AGAP1: variants seen among roughly 807,000 people sequenced by gnomAD.
The protein encoded by AGAP1 is arf-GAP with GTPase, ANK repeat and PH domain-containing protein 1.
In AGAP1, 29 loss-of-function variants were observed where a neutral mutation model predicts 105.3. The ratio of observed to expected loss-of-function variants is 0.28; its 90% confidence interval spans 0.21 to 0.38. The LOEUF (loss-of-function observed/expected upper bound fraction) is 0.38, where lower values mean the gene tolerates loss of function less well. AGAP1 is among the 10% of genes least tolerant of loss of function. The pLI is 1.00. For synonymous variants in AGAP1, 509 were observed against 485.9 expected (o/e 1.05, Z -0.63); for missense variants, 998 against 1,165.1 (o/e 0.86, Z 2.09).
At position 235,963,427 on chromosome 2, in the gene AGAP1, GTATT is replaced by G. The variant is rs1478924652; in HGVS notation, c.1484-5033_1484-5030del. On this transcript the variant is annotated intron_variant, in intron 12 of 17. Transcript: ENST00000304032. The surrounding 1 kb of genome is among the most constrained non-coding windows in gnomAD (Gnocchi z 5.1). ...TGTGCACATAGAAAAGGAAACAGAT[GTATT>G]TGAACAGAGGTAGTTTATTAAAGAG... 1.3e-5 allele frequency among the ~76,000 whole-genome samples: 2 copies of G among 152,184 alleles called. No homozygotes were observed. The highest frequency in any genetic ancestry group is 2.9e-5 in the Non-Finnish European group (2 of 68,030).
chr2:236,109,193 A>G lies in AGAP1; in HGVS notation c.2115-10999A>G, dbSNP rs1211359931. Among the ~76,000 whole-genome samples the G allele has an allele frequency of 6.6e-6, 1 of 152,154 alleles. No homozygotes were observed. The highest frequency in any genetic ancestry group is 1.5e-5 in the Non-Finnish European group (1 of 68,010). On this transcript the variant is annotated intron_variant, in intron 16 of 17. Transcript: ENST00000304032. The surrounding 1 kb of genome is among the most constrained non-coding windows in gnomAD (Gnocchi z 5.4). ...TTGGTCTATGCTTTGCTCATCACTG[A>G]CAAGGATTTGCCAGTGCATAGATGA... is the stretch of plus-strand genomic sequence containing the variant.
chr2:235,828,072 A>T (rs952293069), intron 9 of AGAP1, among the ~76,000 whole-genome samples: 1 of 152,204 alleles, frequency 6.6e-6, no homozygotes, highest in African/African-American at 2.4e-5. Context: ...ATGAGAGCAG[A>T]TGGGGATCCT....
At chr2:235,730,856 T>C (rs548197413) in intron 3 of AGAP1, among the ~76,000 whole-genome samples, 20 of 152,228 alleles carry the variant, frequency 1.3e-4, no homozygotes, top group African/African-American at 4.3e-4. Context: ...TAGGTTGTAT[T>C]GGGTGGGGCC....
chr2:235,566,604 T>C lies in AGAP1; in HGVS notation c.163+71755T>C. The C allele has an allele frequency of 1.0e-6, 1 of 985,078 alleles. No homozygotes were observed. Among genetic ancestry groups the C allele is most frequent in the Non-Finnish European group, 1.2e-6 (1 of 829,656 alleles). 61.0% of individuals were successfully genotyped at this position (985,078 alleles called of 1,614,324 possible). On this transcript the variant is annotated intron_variant, in intron 1 of 17. Coordinates refer to ENST00000304032, the MANE Select transcript of AGAP1 (RefSeq NM_001037131.3). The surrounding 1 kb of genome is among the most constrained non-coding windows in gnomAD (Gnocchi z 5.2). ...CCAGTGCTGTGAGTGGGCAGGTCTG[T>C]CTCCTGCCTCTCTTATTTATGTTGT...
At chr2:235,542,215 C>T (rs1943466017) in intron 1 of AGAP1, among the ~76,000 whole-genome samples, 1 of 146,574 alleles carries the variant, frequency 6.8e-6, no homozygotes, top group African/African-American at 2.6e-5. Flanking sequence ...GACAGTGGGT[C>T]CCGGGGGGGG....
rs1305441534 is a variant in AGAP1, at chr2:235,936,379, G to GGTTATA, written c.1483+5457_1483+5462dup. Among the ~76,000 whole-genome samples, 2 of 152,182 alleles carry GGTTATA rather than the reference G, an allele frequency of 1.3e-5. No individual in the cohort carries two copies. Among genetic ancestry groups the GGTTATA allele is most frequent in the African/African-American group, 4.8e-5 (2 of 41,430 alleles). ...ATTATATCTTTCCAGTAGACTCTGTGGTTATAAAGCAGCCGATCCTCAATG... is the reference window on the plus strand; with the variant it reads ...ATTATATCTTTCCAGTAGACTCTGTGGTTATAGTTATAAAGCAGCCGATCCTCAATG... On this transcript the variant is annotated intron_variant, in intron 12 of 17. Transcript: ENST00000304032. This position sits in a 1 kb window ranked among gnomAD's most constrained non-coding sequence, Gnocchi z 4.7.
intron 9 of AGAP1, among the ~76,000 whole-genome samples, chr2:235,811,351 GA>G (rs1262373983): frequency 6.6e-6 from 1 of 152,174 alleles, no homozygotes; most frequent in East Asian, 1.9e-4. Context: ...TGAATTTTTT[GA>G]AAATCATGCT....
At chr2:235,616,368 A>G (rs1021868763) in intron 1 of AGAP1, among the ~76,000 whole-genome samples, 18 of 152,134 alleles carry the variant, frequency 1.2e-4, no homozygotes, top group African/African-American at 4.3e-4. Context: ...TCAAAAAAAA[A>G]AAAAAGGTGA....
At chr2:235,648,811 T>C (rs1257992293) in intron 1 of AGAP1, among the ~76,000 whole-genome samples, 1 of 150,134 alleles carries the variant, frequency 6.7e-6, no homozygotes, top group Non-Finnish European at 1.5e-5. Flanking sequence ...CACTTGAACC[T>C]GGGAGGCGGA....
rs2049622809 is a variant in AGAP1 at position 235,874,694 on chromosome 2, T to A, written c.1051-8651T>A. Among the ~76,000 whole-genome samples the A allele has an allele frequency of 6.6e-6, 1 of 152,168 alleles. No individual in the cohort carries two copies. Among genetic ancestry groups the A allele is most frequent in the South Asian group, 2.1e-4 (1 of 4,826 alleles). On this transcript the variant is annotated intron_variant, in intron 9 of 17. Coordinates refer to ENST00000304032, the MANE Select transcript of AGAP1 (RefSeq NM_001037131.3). This position sits in a 1 kb window ranked among gnomAD's most constrained non-coding sequence, Gnocchi z 4.5. ...TCATGTTTCTGGCTTTGCCTTCATCTATTCTGGAAATTTCAAGAGAACCTG... is the reference window on the plus strand; with the variant it reads ...TCATGTTTCTGGCTTTGCCTTCATCAATTCTGGAAATTTCAAGAGAACCTG...
In AGAP1 at chr2:235,712,614, G is replaced by A. The variant is rs528063447; in HGVS notation, c.222+3377G>A. ...TTAGTGTGGGGCTCTGGAGAAATCAGTTTAGGAAGACATTGCATTCCCTTT... is the reference window on the plus strand; with the variant it reads ...TTAGTGTGGGGCTCTGGAGAAATCAATTTAGGAAGACATTGCATTCCCTTT... On this transcript the variant is annotated intron_variant, in intron 2 of 17. Coordinates refer to ENST00000304032, the MANE Select transcript of AGAP1 (RefSeq NM_001037131.3). The surrounding 1 kb of genome is among the most constrained non-coding windows in gnomAD (Gnocchi z 6.0). Among the ~76,000 whole-genome samples, 1 of 152,350 alleles carries A rather than the reference G, an allele frequency of 6.6e-6. No individual in the cohort carries two copies. Among genetic ancestry groups the A allele is most frequent in the Non-Finnish European group, 1.5e-5 (1 of 68,038 alleles).
chr2:235,898,852 C>T (rs1189381389), intron 10 of AGAP1, among the ~76,000 whole-genome samples: 1 of 152,084 alleles, frequency 6.6e-6, no homozygotes, highest in Non-Finnish European at 1.5e-5. Context: ...TATTCCCTGA[C>T]CAAGAGAAAG....
intron 6 of AGAP1, among the ~76,000 whole-genome samples, chr2:235,761,227 A>T (rs564171333): frequency 8.5e-5 from 13 of 152,320 alleles, no homozygotes; most frequent in Middle Eastern, 6.8e-3. Flanking sequence ...AGAGCCTGTG[A>T]TCTCTTCTGG....
intron 2 of AGAP1, among the ~76,000 whole-genome samples, chr2:235,710,896 G>A (rs144134376): frequency 2.2e-4 from 33 of 152,306 alleles, no homozygotes; most frequent in East Asian, 2.1e-3. Flanking sequence ...TGTGCGGGTC[G>A]TGTTCTAAGT....
Position 235,777,121 on chromosome 2 carries a change from G to T in AGAP1, c.674-20638G>T, listed in dbSNP as rs1252871387. On this transcript the variant is annotated intron_variant, in intron 6 of 17. Coordinates refer to ENST00000304032, the MANE Select transcript of AGAP1 (RefSeq NM_001037131.3). This position sits in a 1 kb window ranked among gnomAD's most constrained non-coding sequence, Gnocchi z 5.1. ...TGCCTGTAATTCCAGCACTTTGAGAGGCCAAGGCGGGTGGATCACGAGGTC... is the reference window on the plus strand; with the variant it reads ...TGCCTGTAATTCCAGCACTTTGAGATGCCAAGGCGGGTGGATCACGAGGTC... 2.4e-5 allele frequency: 11 copies of T among 462,876 alleles called. No homozygotes were observed. The highest frequency in any genetic ancestry group is 4.0e-5 in the Non-Finnish European group (9 of 223,024). 28.7% of individuals were successfully genotyped at this position (462,876 alleles called of 1,614,324 possible). A position where few individuals can be genotyped will look rare whatever the true frequency, so the allele number is the denominator to read the frequency against.
At chr2:235,868,851 T>C (rs2049305432) in intron 9 of AGAP1, among the ~76,000 whole-genome samples, 1 of 152,194 alleles carries the variant, frequency 6.6e-6, no homozygotes, top group Non-Finnish European at 1.5e-5. Context: ...CTCTTGGGAC[T>C]AGACAAAGAA....
chr2:235,499,422 A>G (rs1296251191), intron 1 of AGAP1, among the ~76,000 whole-genome samples: 1 of 152,224 alleles, frequency 6.6e-6, no homozygotes, highest in Non-Finnish European at 1.5e-5. Flanking sequence ...CCTGCTGTGG[A>G]TAAGTGTCAT....
chr2:235,981,671 C>T lies in AGAP1; in HGVS notation c.1645+13048C>T, dbSNP rs1352401233. 6.6e-6 allele frequency among the ~76,000 whole-genome samples: 1 copy of T among 152,186 alleles called. No homozygotes were observed. The highest frequency in any genetic ancestry group is 1.5e-5 in the Non-Finnish European group (1 of 68,036). On this transcript the variant is annotated intron_variant, in intron 13 of 17. Coordinates refer to ENST00000304032, the MANE Select transcript of AGAP1 (RefSeq NM_001037131.3). The surrounding 1 kb of genome is among the most constrained non-coding windows in gnomAD (Gnocchi z 5.5). ...GCACTGGGCTTAAGTGCTTTACACG[C>T]AGCGTCTCATAACCCTCACAAGAAC...
chr2:236,019,943 C>G (rs1167267608), intron 13 of AGAP1, among the ~76,000 whole-genome samples: 2 of 152,364 alleles, frequency 1.3e-5, no homozygotes, highest in South Asian at 2.1e-4. Flanking sequence ...AGAACCTGCT[C>G]TCTGCAGTGA....
Sources: gnomAD v4.1 joint callset for allele counts (sites outside exome capture counted in the v4.1 genomes callset) on GRCh38, gnomAD v4.1.1 for gene constraint, Gnocchi (gnomAD v3.1) non-coding constraint, MANE v1.5 for transcripts, NCBI Gene and HGNC (gene_info 2026-07-23, HGNC 2026-07-21) for gene names.